Variants in MTMR3 observed in about 807,000 individuals in gnomAD.
The protein encoded by MTMR3 is myotubularin related protein 3.
Under a neutral mutation model 132.4 loss-of-function variants are expected in MTMR3, and 32 were observed. The observed-to-expected ratio is 0.24, with a 90% CI of 0.18 to 0.32. The LOEUF is 0.32. MTMR3 is among the 10% of genes least tolerant of loss of function. The pLI, the probability that MTMR3 is intolerant of heterozygous loss-of-function variation, is 1.00. For missense variants in MTMR3, 1,216 were observed against 1,489.6 expected (o/e 0.82, Z 3.02); for synonymous variants, 556 against 550.3 (o/e 1.01, Z -0.14).
intron 2 of MTMR3, among the ~76,000 whole-genome samples, chr22:29,962,841 A>G (rs1388592413): frequency 6.6e-6 from 1 of 151,908 alleles, no homozygotes; most frequent in Non-Finnish European, 1.5e-5. Context: ...TTCATCATTT[A>G]GCATAATGTT....
At position 30,020,006 on chromosome 22, in the gene MTMR3, C is replaced by G. The variant is rs764531792; in HGVS notation, c.2347C>G (p.Pro783Ala). The G allele has an allele frequency of 8.1e-6, 13 of 1,614,074 alleles. No individual in the cohort carries two copies. Among genetic ancestry groups the G allele is most frequent in the Middle Eastern group, 1.6e-4 (1 of 6,084 alleles). The change falls in exon 17 of 20, where the codon CCC (proline) becomes GCC (alanine). Residue 783 changes from proline to alanine, a missense_variant. Pro to Ala is a conservative substitution (Grantham distance 27). Transcript: ENST00000401950. ...SVLLSSLQVPPRGEDSLEVPV... is the reference protein window; with the variant it reads ...SVLLSSLQVPARGEDSLEVPV... ...TCTCCTCAGTTCTCTCCAGGTCCCC[C>G]CCAGGGGAGAGGATTCCCTGGAGGT...
At chr22:29,901,902 T>C (rs766350873) in intron 1 of MTMR3, among the ~76,000 whole-genome samples, 5 of 152,216 alleles carry the variant, frequency 3.3e-5, no homozygotes, top group Non-Finnish European at 7.3e-5. Context: ...CTTTCTGTTG[T>C]TTAGGAGCAT....
intron 6 of MTMR3, chr22:29,990,767 G>A (rs1324055018): frequency 6.6e-6 from 1 of 152,110 alleles, no homozygotes; most frequent in East Asian, 1.9e-4. Context: ...ATGTTTATCA[G>A]AGACGGGAGT....
chr22:30,020,001 T>C lies in MTMR3; in HGVS notation c.2342T>C (p.Val781Ala), dbSNP rs2067704807. The C allele has an allele frequency of 6.2e-7, 1 of 1,613,632 alleles. No individual in the cohort carries two copies. Among genetic ancestry groups the C allele is most frequent in the Non-Finnish European group, 8.5e-7 (1 of 1,179,894 alleles). Residue 781 changes from valine (V) to alanine (A), a missense_variant, in exon 17 of 20, where the codon GTC (valine) becomes GCC (alanine). This residue lies in a region of MTMR3 where 852 missense variants were observed against 852.0 expected (regional missense o/e 1.00). Transcript: ENST00000401950. The part of the protein sequence containing the change: ...GLSVLLSSLQ[V>A]PPRGEDSLEV... ...AGTGTTCTCCTCAGTTCTCTCCAGG[T>C]CCCCCCCAGGGGAGAGGATTCCCTG...
intron 1 of MTMR3, among the ~76,000 whole-genome samples, chr22:29,894,718 A>G (rs2064861130): frequency 6.6e-6 from 1 of 152,168 alleles, no homozygotes; most frequent in Admixed American, 6.5e-5. Flanking sequence ...AAGTTTATAT[A>G]GCCATCTGGT....
chr22:29,957,274 T>TC (rs1555905376), intron 2 of MTMR3, among the ~76,000 whole-genome samples, 186 bp downstream of exon 2: 3 of 151,356 alleles, frequency 2.0e-5, no homozygotes, highest in South Asian at 4.2e-4. Context: ...TTTTTTTTTT[T>TC]CACTAGGACT....
At chr22:29,961,812 A>G (rs5763645) in intron 2 of MTMR3, among the ~76,000 whole-genome samples, 53,616 of 152,044 alleles carry the variant, frequency 0.35, 10,456 homozygotes, top group East Asian at 0.72. Context: ...GTTGTCCTAT[A>G]CAAGTGTACC....
chr22:29,888,727 A>G (rs1395037567), intron 1 of MTMR3, among the ~76,000 whole-genome samples: 1 of 150,706 alleles, frequency 6.6e-6, no homozygotes, highest in Admixed American at 6.6e-5. Flanking sequence ...TTCTGATTTC[A>G]CTTACCTGGG....
At chr22:29,972,724 C>T (rs1310616416) in intron 3 of MTMR3, among the ~76,000 whole-genome samples, 2 of 152,150 alleles carry the variant, frequency 1.3e-5, no homozygotes, top group African/African-American at 2.4e-5. Context: ...GCACCTGCCA[C>T]CATGCTTAGC....
intron 1 of MTMR3, among the ~76,000 whole-genome samples, chr22:29,935,464 G>A (rs1384548598): frequency 6.6e-6 from 1 of 152,178 alleles, no homozygotes; most frequent in Admixed American, 6.5e-5. Context: ...AAGTGCTAGT[G>A]TATGTTTTCA....
At chr22:30,015,085 C>T (rs2067544614) in intron 14 of MTMR3, 1 of 152,166 alleles carries the variant, frequency 6.6e-6, no homozygotes, top group Non-Finnish European at 1.5e-5. Context: ...CTCACTCTGT[C>T]ACCCAGGCTG....
intron 2 of MTMR3, among the ~76,000 whole-genome samples, chr22:29,968,047 C>G (rs192093889): frequency 1.3e-5 from 2 of 150,462 alleles, no homozygotes; most frequent in African/African-American, 5.0e-5. Context: ...AATGCTGTTA[C>G]GAAAATTTGT....
intron 2 of MTMR3, among the ~76,000 whole-genome samples, chr22:29,964,022 T>C (rs896738590): frequency 1.3e-5 from 2 of 152,216 alleles, no homozygotes; most frequent in African/African-American, 4.8e-5. Context: ...GGTAACTCTG[T>C]GTTTAATTGA....
chr22:30,017,957 C>T lies in MTMR3; in HGVS notation c.1705C>T (p.Leu569=). The T allele has an allele frequency of 6.2e-7, 1 of 1,613,892 alleles. No homozygotes were observed. Among genetic ancestry groups the T allele is most frequent in the Non-Finnish European group, 8.5e-7 (1 of 1,179,936 alleles). The stretch of plus-strand genomic sequence containing the variant: ...GTACCCTGTGTGCCATGTGCGTAAC[C>T]TGATGCTGTGGAGTGCAGTGTACCT... ...VLYPVCHVRN[L]MLWSAVYLPC... Residue 569 remains leucine (L), a synonymous_variant, in exon 16 of 20, where the codon CTG becomes TTG. Transcript: ENST00000401950.
chr22:29,922,227 C>T (rs1175936965), intron 1 of MTMR3, among the ~76,000 whole-genome samples: 4 of 152,064 alleles, frequency 2.6e-5, no homozygotes, highest in South Asian at 4.1e-4. Flanking sequence ...CCATGTTGGC[C>T]AGGCTGGTCT....
intron 2 of MTMR3, among the ~76,000 whole-genome samples, chr22:29,967,917 C>CTCTG (rs71328818): frequency 6.7e-6 from 1 of 148,342 alleles, no homozygotes; most frequent in African/African-American, 2.5e-5. Context: ...ATTATATATA[C>CTCTG]TGTGTGTGTG....
At chr22:29,904,623 A>G (rs1434739495) in intron 1 of MTMR3, among the ~76,000 whole-genome samples, 1 of 152,250 alleles carries the variant, frequency 6.6e-6, no homozygotes, top group Non-Finnish European at 1.5e-5. Flanking sequence ...AGTATTTGCT[A>G]ATTGTGGTTG....
At chr22:29,936,997 A>G (rs2065762307) in intron 1 of MTMR3, among the ~76,000 whole-genome samples, 2 of 152,166 alleles carry the variant, frequency 1.3e-5, no homozygotes, top group Admixed American at 6.5e-5. Flanking sequence ...ATAAAGGCTT[A>G]TATTTTACCC....
intron 7 of MTMR3, chr22:29,997,708 T>C (rs1165609421): frequency 6.6e-6 from 1 of 152,184 alleles, no homozygotes; most frequent in Non-Finnish European, 1.5e-5. Flanking sequence ...CTGGCAGTTA[T>C]GATTCCATGA....
Sources: allele counts gnomAD v4.1 joint callset (sites outside exome capture counted in the v4.1 genomes callset), GRCh38; gene constraint gnomAD v4.1.1; regional missense constraint gnomAD v4.1.1; transcripts MANE v1.5; gene names NCBI Gene and HGNC (gene_info 2026-07-23, HGNC 2026-07-21).